SWI5: variants seen among roughly 807,000 people sequenced by gnomAD.
SWI5 encodes the protein SWI5 homologous recombination repair protein, also known as DNA repair protein SWI5 homolog.
Under a neutral mutation model 17.0 loss-of-function variants are expected in SWI5, and 12 were observed. That is an observed-to-expected ratio of 0.71 (90% confidence interval 0.45 to 1.14). SWI5 has a LOEUF of 1.14. Among genes scored for constraint, SWI5 ranks in the 50% most tolerant of loss-of-function variants. The probability of loss-of-function intolerance (pLI) is 0.00; values close to 1 mark genes in which losing one functional copy is unlikely to be tolerated. For synonymous variants in SWI5, 61 were observed against 64.0 expected (o/e 0.95, Z 0.22); for missense variants, 158 against 162.2 (o/e 0.97, Z 0.14).
At chr9:128,276,991 C>T (rs1831413120) in intron 2 of SWI5, among the ~76,000 whole-genome samples, 1 of 152,102 alleles carries the variant, frequency 6.6e-6, no homozygotes, top group South Asian at 2.1e-4. Context: ...CTCTCCCTCC[C>T]CATCCTGTCT....
At chr9:128,288,724 C>T (rs778077280) in exon 5 of SWI5, 1 of 1,614,114 alleles carries the variant, frequency 6.2e-7, no homozygotes, top group East Asian at 2.2e-5. Context: ...TGAGCAGGCT[C>T]ATCGCCCCTT....
chr9:128,284,956 T>TAAA (rs570065202), intron 3 of SWI5, among the ~76,000 whole-genome samples: 4 of 84,962 alleles, frequency 4.7e-5, no homozygotes, highest in African/African-American at 2.1e-4. Flanking sequence ...AATCTGTCTT[T>TAAA]AAAAAAAAAA....
chr9:128,276,299 C>T (rs1564371474), exon 1 of SWI5: 1 of 1,612,886 alleles, frequency 6.2e-7, no homozygotes. Flanking sequence ...GGTCAGAGTT[C>T]CTGGCCCGGT....
intron 2 of SWI5, among the ~76,000 whole-genome samples, chr9:128,280,511 A>T (rs73672487): frequency 0.14 from 11,830 of 86,044 alleles, 867 homozygotes; most frequent in African/African-American, 0.43. Flanking sequence ...TGTTCTTTTT[A>T]AAAAAAAAAA....
rs762285617 is a variant in SWI5 at position 128,285,245 on chromosome 9, G to A, written c.233+614G>A. ...AAGGAAAGAAAGGAAGGGAAAGAAGGAAAGGGGGGAAGGAAAGGGAAGGAA... is the reference window on the plus strand; with the variant it reads ...AAGGAAAGAAAGGAAGGGAAAGAAGAAAAGGGGGGAAGGAAAGGGAAGGAA... On this transcript the variant is annotated intron_variant, in intron 3 of 4. Coordinates refer to ENST00000418976, the Ensembl canonical transcript of SWI5. This position sits in a 1 kb window ranked among gnomAD's most constrained non-coding sequence, Gnocchi z 4.8. Among the ~76,000 whole-genome samples, 47 of 149,904 alleles carry A rather than the reference G, an allele frequency of 3.1e-4. No individual in the cohort carries two copies. The highest frequency in any genetic ancestry group is 5.5e-4 in the Non-Finnish European group (37 of 67,432).
upstream of SWI5, chr9:128,275,944 G>A (rs771373353): frequency 1.3e-6 from 2 of 1,594,768 alleles, no homozygotes; most frequent in African/African-American, 1.4e-5. Flanking sequence ...CCGACATCGC[G>A]GGGCGGGGAG....
Position 128,284,295 on chromosome 9 carries a change from A to C in SWI5, c.112-215A>C, listed in dbSNP as rs1403707576. On this transcript the variant is annotated intron_variant, in intron 2 of 4. Coordinates refer to ENST00000418976, the Ensembl canonical transcript of SWI5. ...CAGAGCGAGACTCCGTCTCAAAAAA[A>C]AAAAAAAAAAAAATCCCAGATGATT... Among the ~76,000 whole-genome samples, 4 of 151,872 alleles carry C rather than the reference A, an allele frequency of 2.6e-5. No individual in the cohort carries two copies. In the East Asian group the frequency reaches 7.8e-4, roughly 30 times the overall value.
chr9:128,276,960 T>G (rs1831411185), intron 2 of SWI5, among the ~76,000 whole-genome samples: 1 of 152,048 alleles, frequency 6.6e-6, no homozygotes, highest in African/African-American at 2.4e-5. Flanking sequence ...AGTGTTATCC[T>G]GTCCTGTCCT....
At chr9:128,280,678 C>T (rs7025160) in intron 2 of SWI5, among the ~76,000 whole-genome samples, 37,835 of 151,896 alleles carry the variant, frequency 0.25, 5,963 homozygotes, top group African/African-American at 0.45. Flanking sequence ...CCACCACGCC[C>T]AGCTAATTTT....
chr9:128,286,540 A>G (rs889055998), intron 4 of SWI5: 7 of 157,228 alleles, frequency 4.5e-5, no homozygotes, highest in African/African-American at 1.7e-4. Flanking sequence ...GGCGGCCCCT[A>G]CAAACCCTTC....
upstream of SWI5, chr9:128,275,818 G>A (rs1831311700): frequency 8.8e-6 from 7 of 791,512 alleles, no homozygotes; most frequent in African/African-American, 7.1e-5. Context: ...AGGAGTGGCA[G>A]AGACTCTGGC....
At chr9:128,279,389 G>A (rs1831496453) in intron 2 of SWI5, among the ~76,000 whole-genome samples, 1 of 152,072 alleles carries the variant, frequency 6.6e-6, no homozygotes, top group South Asian at 2.1e-4. Context: ...GGCTGGGCAC[G>A]CTGATATTTA....
chr9:128,284,455 G>C, intron 2 of SWI5, 55 bp from the exon 3 acceptor site: 1 of 1,591,280 alleles, frequency 6.3e-7, no homozygotes, highest in Non-Finnish European at 8.5e-7. Flanking sequence ...GGACATGTAG[G>C]CTGTGAATTG....
rs1831637626 is a variant in SWI5, at chr9:128,286,261, G to T, written c.328+228G>T. 7.8e-6 allele frequency: 4 copies of T among 511,358 alleles called. No individual in the cohort carries two copies. In the Admixed American group the frequency reaches 9.5e-5, roughly 12 times the overall value. The allele number at this position is 511,358 out of a possible 1,614,324, so 31.7% of individuals were successfully genotyped here. On this transcript the variant is annotated intron_variant, in intron 4 of 4. Coordinates refer to ENST00000418976, the Ensembl canonical transcript of SWI5. The stretch of plus-strand genomic sequence containing the variant: ...CTGCTTTGGAGCCGCAGCCAGGTTT[G>T]AGCGGGGCTTGCCCATCTGCCAGAC...
At position 128,276,722 on chromosome 9, in the gene SWI5, T is replaced by A. The variant is rs775234579; in HGVS notation, c.78T>A (p.Leu26=). ...TCCTCTCTAGGACTGAACCAAGACT[T>A]ACCCGAAGTTGCCGCGGGGCCTTCC... Residue 26 remains leucine, a synonymous_variant, in exon 2 of 5, where the codon CTT becomes CTA. Transcript: ENST00000418976. 3 of 1,613,498 alleles carry A rather than the reference T, an allele frequency of 1.9e-6. No homozygotes were observed. In the Admixed American group the frequency reaches 5.0e-5, roughly 27 times the overall value.
chr9:128,276,276 A>G (rs761380968), exon 1 of SWI5: 14 of 1,612,628 alleles, frequency 8.7e-6, no homozygotes, highest in East Asian at 2.2e-5. Context: ...TCTGTGCGCC[A>G]GTTCACACTC....
intron 2 of SWI5, chr9:128,278,671 C>G (rs1313041831): frequency 2.1e-6 from 1 of 471,688 alleles, no homozygotes; most frequent in Non-Finnish European, 4.4e-6. Flanking sequence ...CTTTACTGTC[C>G]CCATGTTGAG....
In SWI5 at chr9:128,284,500, T is replaced by A; in HGVS notation, c.112-10T>A. 6.2e-7 allele frequency: 1 copy of A among 1,612,302 alleles called. No homozygotes were observed. Among genetic ancestry groups the A allele is most frequent in the Non-Finnish European group, 8.5e-7 (1 of 1,179,420 alleles). ...GGTCAGTCTGGCTGATGACTTTTTC[T>A]GCCTCTCAGAGGCCATTGCCCAAGT... On this transcript the variant is annotated splice_polypyrimidine_tract_variant and intron_variant, in intron 2 of 4. Transcript: ENST00000418976.
rs1444054225 is a variant in SWI5, at chr9:128,285,888, C to G, written c.234-51C>G. 1 of 1,312,176 alleles carries G rather than the reference C, an allele frequency of 7.6e-7. No homozygotes were observed. Among genetic ancestry groups the G allele is most frequent in the Non-Finnish European group, 1.1e-6 (1 of 906,960 alleles). 81.3% of individuals were successfully genotyped at this position (1,312,176 alleles called of 1,614,324 possible). A position where few individuals can be genotyped will look rare whatever the true frequency, so the allele number is the denominator to read the frequency against. Reference sequence around the variant, plus strand: ...TACTATCTGAGCCTGGGGCCATCATCTGCTTTCTTAACTGGGCTGTCTTTC... The same window carrying G: ...TACTATCTGAGCCTGGGGCCATCATGTGCTTTCTTAACTGGGCTGTCTTTC... On this transcript the variant is annotated intron_variant, in intron 3 of 4. Coordinates refer to ENST00000418976, the Ensembl canonical transcript of SWI5. The surrounding 1 kb of genome is among the most constrained non-coding windows in gnomAD (Gnocchi z 4.8).
Sources: gnomAD v4.1 joint callset for allele counts (sites outside exome capture counted in the v4.1 genomes callset) on GRCh38, gnomAD v4.1.1 for gene constraint, Gnocchi (gnomAD v3.1) non-coding constraint, MANE v1.5 for transcripts, NCBI Gene and HGNC (gene_info 2026-07-23, HGNC 2026-07-21) for gene names.